The following PAK5 variants were observed in gnomAD, a reference collection of about 807,000 sequenced individuals.
PAK5 encodes p21 (RAC1) activated kinase 5.
PAK5 carries 16 observed loss-of-function variants against 65.9 expected under a neutral mutation model. That is an observed-to-expected ratio of 0.24 (90% CI 0.16 to 0.37). The LOEUF (loss-of-function observed/expected upper bound fraction) is 0.37. Among genes scored for constraint, PAK5 ranks in the 10% least tolerant of loss-of-function variants. The probability of loss-of-function intolerance (pLI) is 1.00; values close to 1 mark genes in which losing one functional copy is unlikely to be tolerated. For missense variants in PAK5, 785 were observed against 903.9 expected (o/e 0.87, Z 1.69); for synonymous variants, 371 against 354.9 (o/e 1.05, Z -0.51).
At chr20:9,596,473 A>G (rs1040251844) in intron 3 of PAK5, among the ~76,000 whole-genome samples, 4 of 151,906 alleles carry the variant, frequency 2.6e-5, no homozygotes, top group Non-Finnish European at 4.4e-5. Flanking sequence ...CGTCTCTACT[A>G]AAAATACAAA....
intron 2 of PAK5, among the ~76,000 whole-genome samples, chr20:9,678,451 C>T (rs954601034): frequency 6.6e-6 from 1 of 152,144 alleles, no homozygotes; most frequent in Non-Finnish European, 1.5e-5. Flanking sequence ...CCTGTAGTCC[C>T]AGCTACGCAG....
chr20:9,631,906 G>T (rs1475239043), intron 3 of PAK5, among the ~76,000 whole-genome samples: 1 of 152,154 alleles, frequency 6.6e-6, no homozygotes, highest in Non-Finnish European at 1.5e-5. Context: ...ACAGCATAAT[G>T]CTTCCACTTA....
intron 2 of PAK5, among the ~76,000 whole-genome samples, chr20:9,710,262 C>T (rs1388255470): frequency 5.3e-5 from 8 of 152,006 alleles, no homozygotes; most frequent in South Asian, 2.1e-4. Context: ...CTCAAGTCTC[C>T]GAGTGTTACA....
At chr20:9,680,686 G>C (rs370257207) in intron 2 of PAK5, among the ~76,000 whole-genome samples, 25 of 152,294 alleles carry the variant, frequency 1.6e-4, no homozygotes, top group African/African-American at 5.8e-4. Flanking sequence ...AATCCCCAGT[G>C]TTTGCAGGAA....
chr20:9,687,886 G>GGGGTGTGTGTGT (rs146092163), intron 2 of PAK5, among the ~76,000 whole-genome samples: 2 of 148,626 alleles, frequency 1.3e-5, no homozygotes, highest in African/African-American at 5.0e-5. Context: ...AAGAGAGGGA[G>GGGGTGTGTGTGT]GTGTGTGTGT....
In PAK5 at chr20:9,739,609, T is replaced by C. The variant is rs201057439; in HGVS notation, c.-161-28174A>G. Among the ~76,000 whole-genome samples the C allele has an allele frequency of 7.2e-5, 11 of 152,294 alleles. No homozygotes were observed. In the East Asian group the frequency reaches 2.1e-3, roughly 29 times the overall value. On this transcript the variant is annotated intron_variant, in intron 1 of 9. Coordinates refer to ENST00000353224, the MANE Select transcript of PAK5 (RefSeq NM_177990.4). The stretch of plus-strand genomic sequence containing the variant: ...AGTCTTTTCCAAAAGCTAAATGACA[T>C]CAATTTTCGATATGAACCTGTACCT...
intron 1 of PAK5, among the ~76,000 whole-genome samples, chr20:9,813,173 A>G (rs753198311): frequency 7.2e-5 from 11 of 152,150 alleles, no homozygotes; most frequent in Non-Finnish European, 1.5e-4. Context: ...AATTCTAGAA[A>G]ATCCAAACTA....
At chr20:9,712,441 C>T (rs1295972411) in intron 1 of PAK5, among the ~76,000 whole-genome samples, 2 of 152,094 alleles carry the variant, frequency 1.3e-5, no homozygotes, top group Non-Finnish European at 2.9e-5. Flanking sequence ...ATATTCTCTG[C>T]TGTCCTATTA....
intron 1 of PAK5, among the ~76,000 whole-genome samples, chr20:9,772,610 G>A (rs1287529317): frequency 6.7e-4 from 102 of 152,166 alleles, no homozygotes; most frequent in Non-Finnish European, 2.9e-5. Flanking sequence ...TGGAATTTCT[G>A]GTGGTTGTAT....
At chr20:9,763,702 G>A (rs557944800) in intron 1 of PAK5, among the ~76,000 whole-genome samples, 52 of 151,944 alleles carry the variant, frequency 3.4e-4, no homozygotes, top group Admixed American at 1.2e-3. Context: ...GTATTTTCCC[G>A]TTTTTTTTAT....
chr20:9,639,728 G>C (rs986233600), intron 3 of PAK5, among the ~76,000 whole-genome samples: 1 of 152,238 alleles, frequency 6.6e-6, no homozygotes, highest in Non-Finnish European at 1.5e-5. Context: ...ATACTAGTGA[G>C]TAAGAGAAGC....
chr20:9,539,514 G>A lies in PAK5; in HGVS notation c.2108C>T (p.Ala703Val), dbSNP rs777734851. The change falls in exon 10 of 10, where the codon GCA becomes GTA. Residue 703 changes from alanine to valine, a missense_variant. Physicochemically the swap from Ala to Val is moderately conservative, Grantham distance 64. Coordinates refer to ENST00000353224, the MANE Select transcript of PAK5 (RefSeq NM_177990.4). ...GGGGACGATGCAAGACGGTGGACCT[G>A]CTAGTTTTAAGAATGGATGTCCGAG... is the stretch of plus-strand genomic sequence containing the variant. Reference protein sequence around the residue: ...ELLGHPFLKLAGPPSCIVPLM... With the variant: ...ELLGHPFLKLVGPPSCIVPLM... 1.2e-6 allele frequency: 2 copies of A among 1,613,944 alleles called. No homozygotes were observed. The highest frequency in any genetic ancestry group is 1.1e-5 in the South Asian group (1 of 91,078).
chr20:9,804,670 G>A (rs1187780325), intron 1 of PAK5, among the ~76,000 whole-genome samples: 1 of 152,174 alleles, frequency 6.6e-6, no homozygotes, highest in Non-Finnish European at 1.5e-5. Flanking sequence ...TGGTTCCTCA[G>A]TTATAACACC....
chr20:9,740,492 A>G (rs1353673661), intron 1 of PAK5, among the ~76,000 whole-genome samples: 1 of 152,178 alleles, frequency 6.6e-6, no homozygotes, highest in East Asian at 1.9e-4. Context: ...GTGGCTCCCC[A>G]AAAGGTAGTT....
In PAK5 at chr20:9,546,436, G is replaced by A. The variant is rs142423704; in HGVS notation, c.1744-1942C>T. On this transcript the variant is annotated intron_variant, in intron 7 of 9. Coordinates refer to ENST00000353224, the MANE Select transcript of PAK5 (RefSeq NM_177990.4). ...ACACTTTAGGTTTATCATGTGATGA[G>A]TTTTGACCTCCCAGTACTATCAAGA... 7.2e-3 allele frequency among the ~76,000 whole-genome samples: 1,094 copies of A among 152,246 alleles called. 16 individuals carry two copies. The highest frequency in any genetic ancestry group is 0.023 in the African/African-American group (967 of 41,538).
At chr20:9,753,568 T>C (rs984793726) in intron 1 of PAK5, among the ~76,000 whole-genome samples, 1 of 152,168 alleles carries the variant, frequency 6.6e-6, no homozygotes, top group Non-Finnish European at 1.5e-5. Context: ...CCACTTCTTA[T>C]GTTACCAAGA....
At chr20:9,823,889 CT>C (rs34836860) in intron 1 of PAK5, among the ~76,000 whole-genome samples, 13 of 151,754 alleles carry the variant, frequency 8.6e-5, no homozygotes, top group South Asian at 2.1e-4. Flanking sequence ...TACTTTTTAC[CT>C]TTTTTTTGTG....
At chr20:9,734,261 T>C (rs2048364873) in intron 1 of PAK5, among the ~76,000 whole-genome samples, 1 of 152,152 alleles carries the variant, frequency 6.6e-6, no homozygotes, top group Admixed American at 6.6e-5. Context: ...AGCTCTATAT[T>C]GAGTGTCAGT....
intron 3 of PAK5, among the ~76,000 whole-genome samples, chr20:9,582,005 G>A (rs1032442719): frequency 6.6e-6 from 1 of 152,074 alleles, no homozygotes; most frequent in South Asian, 2.1e-4. Flanking sequence ...GAAACAAAGG[G>A]TTTATTTTTT....
Sources: gnomAD v4.1 joint callset for allele counts (sites outside exome capture counted in the v4.1 genomes callset) on GRCh38, gnomAD v4.1.1 for gene constraint, MANE v1.5 for transcripts, NCBI Gene and HGNC (gene_info 2026-07-23, HGNC 2026-07-21) for gene names.